GHR: variants seen among roughly 807,000 people sequenced by gnomAD.
The protein encoded by GHR is growth hormone receptor.
In GHR, 35 loss-of-function variants were observed where a neutral mutation model predicts 67.1. The observed-to-expected ratio is 0.52, with a 90% CI of 0.40 to 0.69. The LOEUF is 0.69. GHR is among the 30% of genes least tolerant of loss of function. The pLI is 0.00. For missense variants in GHR, 792 were observed against 764.6 expected (o/e 1.04, Z -0.42); for synonymous variants, 272 against 269.1 (o/e 1.01, Z -0.10).
chr5:42,625,754 A>C (rs1181386522), intron 2 of GHR, among the ~76,000 whole-genome samples: 1 of 151,768 alleles, frequency 6.6e-6, no homozygotes, highest in East Asian at 1.9e-4. Context: ...AGGTTAAGAT[A>C]TGTTTCTTAT....
chr5:42,477,584 G>A (rs996537338), intron 1 of GHR, among the ~76,000 whole-genome samples: 1 of 152,174 alleles, frequency 6.6e-6, no homozygotes, highest in African/African-American at 2.4e-5. Context: ...TCCAACTGGT[G>A]TGAGATGGTA....
chr5:42,506,998 C>T (rs182601688), intron 1 of GHR, among the ~76,000 whole-genome samples: 1 of 152,300 alleles, frequency 6.6e-6, no homozygotes, highest in Non-Finnish European at 1.5e-5. Flanking sequence ...TGACATTTAG[C>T]ACAAATTAGC....
At chr5:42,666,634 C>T (rs766566006) in intron 3 of GHR, among the ~76,000 whole-genome samples, 20 of 152,232 alleles carry the variant, frequency 1.3e-4, no homozygotes, top group Admixed American at 7.9e-4. Flanking sequence ...TCAATACCTA[C>T]GAAAGACCCA....
chr5:42,699,624 A>C (rs920897327), intron 5 of GHR, among the ~76,000 whole-genome samples, 200 bp from the exon 6 acceptor site: 1 of 152,206 alleles, frequency 6.6e-6, no homozygotes, highest in Non-Finnish European at 1.5e-5. Context: ...CTTATTTAGA[A>C]GTTAAAAACA....
chr5:42,629,960 A>T lies in GHR; in HGVS notation c.136+857A>T, dbSNP rs138715694. Among the ~76,000 whole-genome samples the T allele has an allele frequency of 1.5e-5, 2 of 132,004 alleles. 1 individual carries two copies. The highest frequency in any genetic ancestry group is 3.2e-5 in the Non-Finnish European group (2 of 62,424). The allele number at this position is 132,004 out of a possible 152,430, so 86.6% of individuals were successfully genotyped here. On this transcript the variant is annotated intron_variant, in intron 3 of 9. Coordinates refer to ENST00000230882, the MANE Select transcript of GHR (RefSeq NM_000163.5). ...TTTCTTAACCTTAAAATGACTTTAC[A>T]CATTCCCCGCTGGTCCTTTGACAAT...
At chr5:42,626,977 T>A (rs958629385) in intron 2 of GHR, among the ~76,000 whole-genome samples, 3 of 152,194 alleles carry the variant, frequency 2.0e-5, no homozygotes, top group Non-Finnish European at 4.4e-5. Flanking sequence ...CCCACTCTAA[T>A]ACTTCAAGGT....
chr5:42,453,377 G>C (rs67529954), intron 1 of GHR, among the ~76,000 whole-genome samples: 11,917 of 152,110 alleles, frequency 0.078, 613 homozygotes, highest in African/African-American at 0.14. Flanking sequence ...GGTATCCCCC[G>C]GCAGGCACCA....
chr5:42,565,117 AG>A (rs1447272167), intron 1 of GHR, among the ~76,000 whole-genome samples: 5 of 152,158 alleles, frequency 3.3e-5, no homozygotes, highest in African/African-American at 1.2e-4. Flanking sequence ...GTTAGACTGA[AG>A]GGCTCCAGGT....
chr5:42,476,964 G>A (rs1380806720), intron 1 of GHR, among the ~76,000 whole-genome samples: 1 of 151,978 alleles, frequency 6.6e-6, no homozygotes, highest in African/African-American at 2.4e-5. Flanking sequence ...CATGTGCCAT[G>A]TTGGTGTGCT....
Position 42,720,009 on chromosome 5 carries a change from A to ACCACCGAGAT in GHR, c.*586_*587insCACCGAGATC. ...TTCAAGCATGGCTATTTTATATTAC[A>ACCACCGAGAT]CTACACACTGTGTACTGCAGTTGGT... is the stretch of plus-strand genomic sequence containing the variant. On this transcript the variant is annotated 3_prime_UTR_variant, in exon 10 of 10. Coordinates refer to ENST00000230882, the MANE Select transcript of GHR (RefSeq NM_000163.5). 5.5e-6 allele frequency: 1 copy of ACCACCGAGAT among 181,504 alleles called. No homozygotes were observed. Among genetic ancestry groups the ACCACCGAGAT allele is most frequent in the Admixed American group, 5.5e-5 (1 of 18,298 alleles). The allele number at this position is 181,504 out of a possible 1,614,324, so 11.2% of individuals were successfully genotyped here. A position where few individuals can be genotyped will look rare whatever the true frequency, so the allele number is the denominator to read the frequency against.
At chr5:42,443,611 G>GGTGTGT (rs750169625) in intron 1 of GHR, among the ~76,000 whole-genome samples, 1 of 150,488 alleles carries the variant, frequency 6.6e-6, no homozygotes, top group African/African-American at 2.4e-5. Context: ...GGACCAGTAG[G>GGTGTGT]GTGTGTGTGT....
intron 1 of GHR, among the ~76,000 whole-genome samples, chr5:42,540,508 T>G (rs1380195217): frequency 6.6e-6 from 1 of 152,128 alleles, no homozygotes; most frequent in African/African-American, 2.4e-5. Context: ...GAAAAAAACA[T>G]TCAAAGAACA....
chr5:42,434,471 GTCTCA>G (rs1174105469), intron 1 of GHR, among the ~76,000 whole-genome samples: 145 of 146,784 alleles, frequency 9.9e-4, no homozygotes, highest in African/African-American at 3.9e-3. Flanking sequence ...AAATACTTGA[GTCTCA>G]TATCCTCACT....
intron 1 of GHR, among the ~76,000 whole-genome samples, chr5:42,431,574 G>A (rs1157532727): frequency 6.6e-6 from 1 of 152,182 alleles, no homozygotes; most frequent in East Asian, 1.9e-4. Context: ...TCCAAAATCA[G>A]CAGATAACTT....
chr5:42,604,362 T>C (rs1174125160), intron 2 of GHR, among the ~76,000 whole-genome samples: 1 of 152,240 alleles, frequency 6.6e-6, no homozygotes, highest in Non-Finnish European at 1.5e-5. Context: ...AAGGCCTGTC[T>C]GTTCAGATTC....
intron 3 of GHR, among the ~76,000 whole-genome samples, chr5:42,663,494 C>G (rs1426228893): frequency 1.3e-5 from 2 of 152,122 alleles, no homozygotes; most frequent in Non-Finnish European, 2.9e-5. Context: ...AGACAAAAAC[C>G]ACATGATTAT....
intron 1 of GHR, among the ~76,000 whole-genome samples, chr5:42,549,379 G>A (rs1432305637): frequency 6.6e-6 from 1 of 152,142 alleles, no homozygotes; most frequent in Non-Finnish European, 1.5e-5. Context: ...TAGGTAGTGG[G>A]CAATATAAAG....
At chr5:42,706,398 A>G (rs1285652998) in intron 6 of GHR, among the ~76,000 whole-genome samples, 1 of 152,006 alleles carries the variant, frequency 6.6e-6, no homozygotes, top group African/African-American at 2.4e-5. Context: ...GTTTAATTAG[A>G]TCCCATTTGT....
chr5:42,548,756 C>CT (rs1198730614), intron 1 of GHR, among the ~76,000 whole-genome samples: 1 of 152,096 alleles, frequency 6.6e-6, no homozygotes, highest in Admixed American at 6.6e-5. Context: ...AGCGAAACTT[C>CT]TTTTTTTCTG....
Sources: gnomAD v4.1 joint callset for allele counts (sites outside exome capture counted in the v4.1 genomes callset) on GRCh38, gnomAD v4.1.1 for gene constraint, MANE v1.5 for transcripts, NCBI Gene and HGNC (gene_info 2026-07-23, HGNC 2026-07-21) for gene names.